The following AKAP13 variants were observed in gnomAD, a reference collection of about 807,000 sequenced individuals.
AKAP13 encodes A-kinase anchor protein 13.
In AKAP13, 80 loss-of-function variants were observed where a neutral mutation model predicts 264.5. The observed-to-expected ratio is 0.30, with a 90% CI of 0.25 to 0.36. The LOEUF is 0.36. AKAP13 is among the 10% of genes least tolerant of loss of function. AKAP13 has a pLI of 1.00. For synonymous variants in AKAP13, 1,380 were observed against 1,250.2 expected (o/e 1.10, Z -2.19); for missense variants, 3,712 against 3,435.2 (o/e 1.08, Z -2.01).
At chr15:85,664,270 G>T (rs192909319) in intron 12 of AKAP13, among the ~76,000 whole-genome samples, 1 of 152,082 alleles carries the variant, frequency 6.6e-6, no homozygotes, top group Non-Finnish European at 1.5e-5. Context: ...AGATAACTAT[G>T]GTCTGTCCAT....
chr15:85,419,677 T>C (rs2072421523), intron 1 of AKAP13, among the ~76,000 whole-genome samples: 2 of 152,208 alleles, frequency 1.3e-5, no homozygotes, highest in Non-Finnish European at 2.9e-5. Flanking sequence ...TATTTATGTC[T>C]CATTTCAAAA....
chr15:85,571,294 A>T (rs370614467), intron 5 of AKAP13, among the ~76,000 whole-genome samples: 8 of 151,252 alleles, frequency 5.3e-5, no homozygotes, highest in African/African-American at 1.7e-4. Flanking sequence ...TATTTTGCTT[A>T]TTTCACAGGA....
intron 1 of AKAP13, among the ~76,000 whole-genome samples, chr15:85,470,745 A>G (rs1207650521): frequency 6.6e-6 from 1 of 152,230 alleles, no homozygotes; most frequent in African/African-American, 2.4e-5. Flanking sequence ...ACAGACATGC[A>G]GTTAGACAAA....
chr15:85,407,685 GGT>G (rs1462220811), intron 1 of AKAP13, among the ~76,000 whole-genome samples: 1 of 151,816 alleles, frequency 6.6e-6, no homozygotes, highest in East Asian at 1.9e-4. Flanking sequence ...TGAGCAGTGA[GGT>G]GTAGAATTAT....
At chr15:85,662,491 A>T (rs2083401789) in intron 12 of AKAP13, 1 of 1,611,670 alleles carries the variant, frequency 6.2e-7, no homozygotes, top group African/African-American at 1.3e-5. Context: ...CAAATGGGGA[A>T]CCATAAAATA....
intron 1 of AKAP13, among the ~76,000 whole-genome samples, chr15:85,416,476 C>A (rs905572374): frequency 2.0e-5 from 3 of 152,162 alleles, no homozygotes; most frequent in Non-Finnish European, 4.4e-5. Flanking sequence ...ATATTTTATA[C>A]CTCTACGCAC....
intron 5 of AKAP13, among the ~76,000 whole-genome samples, 153 bp from the exon 6 acceptor site, chr15:85,574,978 T>A (rs1385142563): frequency 6.6e-6 from 1 of 152,242 alleles, no homozygotes; most frequent in African/African-American, 2.4e-5. Context: ...CTATTGGTTA[T>A]ATGCCTGAAT....
chr15:85,749,065 CG>C lies in AKAP13; in HGVS notation c.*4390del, dbSNP rs1167595610. Reference sequence around the variant, plus strand: ...CCGCAGGAGGGTGGTTGGGATACACCGGATACCTCTGCTCTCATTGCTTGTT... The same window carrying C: ...CCGCAGGAGGGTGGTTGGGATACACCGATACCTCTGCTCTCATTGCTTGTT... On this transcript the variant is annotated 3_prime_UTR_variant, in exon 37 of 37. Coordinates refer to ENST00000394518, the MANE Select transcript of AKAP13 (RefSeq NM_007200.5). 1 of 152,260 alleles carries C rather than the reference CG, an allele frequency of 6.6e-6. No individual in the cohort carries two copies. Among genetic ancestry groups the C allele is most frequent in the Non-Finnish European group, 1.5e-5 (1 of 68,072 alleles). The allele number at this position is 152,260 out of a possible 1,614,324, so 9.4% of individuals were successfully genotyped here. A position where few individuals can be genotyped will look rare whatever the true frequency, so the allele number is the denominator to read the frequency against.
At chr15:85,574,578 A>G (rs950342878) in intron 5 of AKAP13, among the ~76,000 whole-genome samples, 2 of 152,236 alleles carry the variant, frequency 1.3e-5, no homozygotes, top group African/African-American at 4.8e-5. Context: ...AATTATATTG[A>G]CAAGTGTTGA....
intron 5 of AKAP13, among the ~76,000 whole-genome samples, chr15:85,553,646 ATAAAAAGCACATAAGGAGATTTG>A (rs1194304984): frequency 6.6e-6 from 1 of 152,200 alleles, no homozygotes; most frequent in African/African-American, 2.4e-5. Context: ...GAATTTCTGC[ATAAAAAGCACATAAGGAGATTTG>A]TACTTTAAAT....
At chr15:85,548,920 T>C (rs2077852864) in intron 5 of AKAP13, among the ~76,000 whole-genome samples, 1 of 150,494 alleles carries the variant, frequency 6.6e-6, no homozygotes, top group South Asian at 2.1e-4. Context: ...TTTTTTTTTT[T>C]GGTCTCACAA....
intron 17 of AKAP13, among the ~76,000 whole-genome samples, chr15:85,699,047 C>T (rs1020930259): frequency 5.9e-5 from 9 of 151,316 alleles, no homozygotes; most frequent in African/African-American, 2.2e-4. Flanking sequence ...TTTGCAGGTG[C>T]AGACAGAGCT....
At chr15:85,503,651 C>T (rs1232587677) in intron 2 of AKAP13, among the ~76,000 whole-genome samples, 1 of 152,166 alleles carries the variant, frequency 6.6e-6, no homozygotes. Context: ...CCTTGATCTG[C>T]CTGCAGTGGG....
At chr15:85,643,982 T>C (rs1365995187) in intron 9 of AKAP13, among the ~76,000 whole-genome samples, 1 of 152,222 alleles carries the variant, frequency 6.6e-6, no homozygotes, top group Non-Finnish European at 1.5e-5. Context: ...GCCCGTGTAC[T>C]ATTTACTAAT....
chr15:85,427,295 C>T (rs2072837750), intron 1 of AKAP13, among the ~76,000 whole-genome samples: 1 of 152,060 alleles, frequency 6.6e-6, no homozygotes, highest in African/African-American at 2.4e-5. Flanking sequence ...AAACCTTGCT[C>T]TTAATTTGTC....
intron 2 of AKAP13, among the ~76,000 whole-genome samples, chr15:85,487,587 A>T (rs1338379567): frequency 1.3e-5 from 2 of 152,142 alleles, no homozygotes; most frequent in Admixed American, 6.5e-5. Context: ...ATTTATGGAG[A>T]TGGGGCCTTG....
intron 1 of AKAP13, among the ~76,000 whole-genome samples, chr15:85,475,610 A>C (rs1389380786): frequency 6.6e-6 from 1 of 152,132 alleles, no homozygotes; most frequent in African/African-American, 2.4e-5. Context: ...TATGATGTTG[A>C]ATTCCCCAGC....
chr15:85,663,410 T>C (rs1025406505), intron 12 of AKAP13, among the ~76,000 whole-genome samples: 5 of 152,146 alleles, frequency 3.3e-5, no homozygotes, highest in African/African-American at 9.7e-5. Context: ...AACATATCCA[T>C]TGTTTAGTTT....
At chr15:85,609,132 C>T (rs2080483080) in intron 8 of AKAP13, among the ~76,000 whole-genome samples, 1 of 152,150 alleles carries the variant, frequency 6.6e-6, no homozygotes, top group Non-Finnish European at 1.5e-5. Flanking sequence ...TGAAAACATT[C>T]AAAATCCTCT....
Sources: gnomAD v4.1 joint callset for allele counts (sites outside exome capture counted in the v4.1 genomes callset) on GRCh38, gnomAD v4.1.1 for gene constraint, MANE v1.5 for transcripts, NCBI Gene and HGNC (gene_info 2026-07-23, HGNC 2026-07-21) for gene names.